The following MGAM2 variants were observed in gnomAD, a reference collection of about 807,000 sequenced individuals.
MGAM2 encodes the protein probable maltase-glucoamylase 2.
A neutral mutation model predicts 96.1 loss-of-function variants in MGAM2; 98 were observed. The ratio of observed to expected loss-of-function variants is 1.02; its 90% CI spans 0.87 to 1.21. The LOEUF is 1.21. Among genes scored for constraint, MGAM2 ranks in the 50% most tolerant of loss-of-function variants. MGAM2 has a pLI of 0.00. For missense variants in MGAM2, 2,055 were observed against 1,182.4 expected (o/e 1.74, Z -10.82); for synonymous variants, 749 against 414.8 (o/e 1.81, Z -9.79).
At chr7:142,184,115 T>C (rs575239175) in intron 33 of MGAM2, among the ~76,000 whole-genome samples, 1 of 151,582 alleles carries the variant, frequency 6.6e-6, no homozygotes, top group East Asian at 1.9e-4. Flanking sequence ...TGGGATTACA[T>C]GTGTGTGCCA....
intron 14 of MGAM2, among the ~76,000 whole-genome samples, chr7:142,147,110 C>T (rs1585162068): frequency 6.6e-6 from 1 of 152,192 alleles, no homozygotes; most frequent in African/African-American, 2.4e-5. Flanking sequence ...ATTGTACACT[C>T]AATTTCTCTT....
chr7:142,138,240 C>T (rs1795118908), intron 9 of MGAM2, among the ~76,000 whole-genome samples: 1 of 152,116 alleles, frequency 6.6e-6, no homozygotes, highest in Admixed American at 6.6e-5. Flanking sequence ...TCCAAGTGCC[C>T]ATATTAGCCC....
At chr7:142,196,920 A>C in intron 40 of MGAM2, 104 bp downstream of exon 40, 1 of 619,768 alleles carries the variant, frequency 1.6e-6, no homozygotes, top group Non-Finnish European at 2.9e-6. Flanking sequence ...ATCAAAAAAC[A>C]TCACCAGAAT....
At position 142,159,316 on chromosome 7, in the gene MGAM2, T is replaced by G. The variant is rs1416880554; in HGVS notation, c.2193T>G (p.Pro731=). 1.4e-6 allele frequency: 1 copy of G among 702,452 alleles called. No homozygotes were observed. The highest frequency in any genetic ancestry group is 2.6e-6 in the Non-Finnish European group (1 of 384,654). 43.5% of individuals were successfully genotyped at this position (702,452 alleles called of 1,614,324 possible). A position where few individuals can be genotyped will look rare whatever the true frequency, so the allele number is the denominator to read the frequency against. Residue 731 remains proline, a synonymous_variant, in exon 20 of 48, where the codon CCT becomes CCG. Transcript: ENST00000477922. ...TGGACGAAGTGAAAGCATACATACCTGATGCCACCTGGTATGACTATGAGA... is the reference window on the plus strand; with the variant it reads ...TGGACGAAGTGAAAGCATACATACCGGATGCCACCTGGTATGACTATGAGA... The part of the protein sequence containing the change: ...EGVDEVKAYI[P]DATWYDYETG...
chr7:142,176,110 G>A (rs57562066), intron 32 of MGAM2, among the ~76,000 whole-genome samples: 8 of 123,980 alleles, frequency 6.5e-5, no homozygotes, highest in African/African-American at 1.0e-4. Flanking sequence ...AAAAAAAAAG[G>A]GGGGGGCATC....
chr7:142,120,164 T>C (rs1585138805), intron 2 of MGAM2, 138 bp from the exon 3 acceptor site: 2 of 579,798 alleles, frequency 3.4e-6, no homozygotes, highest in East Asian at 5.6e-5. Context: ...TGTTAAACAT[T>C]GTATGCAAAT....
intron 3 of MGAM2, among the ~76,000 whole-genome samples, chr7:142,128,600 T>C (rs919552963): frequency 6.6e-6 from 1 of 152,116 alleles, no homozygotes; most frequent in Admixed American, 6.5e-5. Context: ...TCCCAGCAGC[T>C]CCAGACATGG....
At chr7:142,188,933 T>C (rs1258487936) in intron 36 of MGAM2, among the ~76,000 whole-genome samples, 4 of 152,206 alleles carry the variant, frequency 2.6e-5, no homozygotes, top group African/African-American at 4.8e-5. Flanking sequence ...TATAATCACA[T>C]TGTAAGTTAA....
chr7:142,124,450 A>G (rs1794682214), intron 3 of MGAM2, among the ~76,000 whole-genome samples: 1 of 152,200 alleles, frequency 6.6e-6, no homozygotes, highest in African/African-American at 2.4e-5. Context: ...AATACCATAC[A>G]GCCTTAATAA....
rs1203759141 is a variant in MGAM2, at chr7:142,143,894, T to A, written c.1431+12T>A. 1.4e-6 allele frequency: 1 copy of A among 701,950 alleles called. No individual in the cohort carries two copies. The highest frequency in any genetic ancestry group is 2.6e-6 in the Non-Finnish European group (1 of 384,610). 43.5% of individuals were successfully genotyped at this position (701,950 alleles called of 1,614,324 possible). On this transcript the variant is annotated intron_variant, in intron 13 of 47. Coordinates refer to ENST00000477922, the MANE Select transcript of MGAM2 (RefSeq NM_001293626.2). ...ATGGAGTGTGGATTGTAAGTTATTATTCCTGACTCAAATTTCCTTTGGAAA... is the reference window on the plus strand; with the variant it reads ...ATGGAGTGTGGATTGTAAGTTATTAATCCTGACTCAAATTTCCTTTGGAAA...
intron 31 of MGAM2, among the ~76,000 whole-genome samples, chr7:142,174,848 T>C (rs1796320505): frequency 6.6e-6 from 1 of 151,690 alleles, no homozygotes; most frequent in Admixed American, 6.6e-5. Context: ...CCTCAGTAGC[T>C]AGGACTACAG....
At chr7:142,199,224 A>G (rs1797144029) in intron 44 of MGAM2, among the ~76,000 whole-genome samples, 1 of 152,254 alleles carries the variant, frequency 6.6e-6, no homozygotes, top group Non-Finnish European at 1.5e-5. Flanking sequence ...AAAAATTTAT[A>G]AAATCATTGA....
Position 142,166,231 on chromosome 7 carries a change from G to T in MGAM2, c.2786G>T (p.Arg929Met). The T allele has an allele frequency of 2.9e-6, 2 of 701,390 alleles. No individual in the cohort carries two copies. The highest frequency in any genetic ancestry group is 5.2e-6 in the Non-Finnish European group (2 of 384,314). 43.4% of individuals were successfully genotyped at this position (701,390 alleles called of 1,614,324 possible). ...CCAACAGCCTCTGAGGAGAGTTGTA[G>T]GCAGCGGGGGTGTCTTTGGGAGGTA... ...DDPTASEESCRQRGCLWEDTS... is the reference protein window; with the variant it reads ...DDPTASEESCMQRGCLWEDTS... Residue 929 changes from arginine (R) to methionine (M), a missense_variant, in exon 25 of 48, where the codon AGG becomes ATG. By Grantham distance (91) the Arg-to-Met change is moderately conservative (BLOSUM62 -1). Coordinates refer to ENST00000477922, the MANE Select transcript of MGAM2 (RefSeq NM_001293626.2).
At chr7:142,112,912 C>T (rs1288521632) in intron 1 of MGAM2, among the ~76,000 whole-genome samples, 1 of 151,908 alleles carries the variant, frequency 6.6e-6, no homozygotes, top group Non-Finnish European at 1.5e-5. Flanking sequence ...GTTAATAAAC[C>T]TCAATTTTAA....
chr7:142,172,043 G>C, intron 28 of MGAM2, 55 bp from the exon 29 acceptor site: 1 of 641,962 alleles, frequency 1.6e-6, no homozygotes, highest in Non-Finnish European at 2.9e-6. Flanking sequence ...TTGGGTTATG[G>C]TATGAAAACA....
rs1797872962 is a variant in MGAM2, at chr7:142,220,099, C to T, written c.5588C>T (p.Thr1863Ile). Residue 1863 changes from threonine to isoleucine, a missense_variant, in exon 48 of 48, where the codon ACA (threonine) becomes ATA (isoleucine). Physicochemically the swap from Thr to Ile is moderately conservative, Grantham distance 89 (BLOSUM62 -1). Transcript: ENST00000477922. Reference protein sequence around the residue: ...GTTDTVPITTTSFPSTTSVTT... With the variant: ...GTTDTVPITTISFPSTTSVTT... ...ACTGATACTGTTCCTATCACAACCA[C>T]ATCTTTCCCAAGTACTACTAGTGTT... The T allele has an allele frequency of 1.4e-6, 1 of 702,938 alleles. No homozygotes were observed. The highest frequency in any genetic ancestry group is 2.6e-6 in the Non-Finnish European group (1 of 384,940). 43.5% of individuals were successfully genotyped at this position (702,938 alleles called of 1,614,324 possible). A position where few individuals can be genotyped will look rare whatever the true frequency, so the allele number is the denominator to read the frequency against.
intron 31 of MGAM2, 94 bp from the exon 32 acceptor site, chr7:142,175,558 C>A: frequency 1.6e-6 from 1 of 636,680 alleles, no homozygotes. Context: ...ATGGGGCAGG[C>A]AGGCAGCAGG....
At chr7:142,155,101 G>A (rs763686936) in intron 17 of MGAM2, among the ~76,000 whole-genome samples, 1 of 152,142 alleles carries the variant, frequency 6.6e-6, no homozygotes, top group African/African-American at 2.4e-5. Flanking sequence ...TTTCTATGGT[G>A]CTGCCATGAC....
At chr7:142,176,781 T>G (rs1796392061) in intron 32 of MGAM2, among the ~76,000 whole-genome samples, 1 of 152,170 alleles carries the variant, frequency 6.6e-6, no homozygotes, top group Non-Finnish European at 1.5e-5. Context: ...GCTTGAGGAT[T>G]AAGTCTTATC....
Sources: gnomAD v4.1 joint callset for allele counts (sites outside exome capture counted in the v4.1 genomes callset) on GRCh38, gnomAD v4.1.1 for gene constraint, MANE v1.5 for transcripts, NCBI Gene and HGNC (gene_info 2026-07-23, HGNC 2026-07-21) for gene names.